Variants in BCAR3 observed in about 807,000 individuals in gnomAD.
BCAR3 encodes the protein BCAR3 adaptor protein, NSP family member, also known as breast cancer anti-estrogen resistance protein 3.
In BCAR3, 37 loss-of-function variants were observed where a neutral mutation model predicts 80.1. The observed-to-expected ratio is 0.46, with a 90% CI of 0.36 to 0.61. The LOEUF (loss-of-function observed/expected upper bound fraction) is 0.61, where lower values mean the gene tolerates loss of function less well. Among genes scored for constraint, BCAR3 ranks in the 20% least tolerant of loss-of-function variants. BCAR3 has a pLI of 0.00. For missense variants in BCAR3, 978 were observed against 1,068.2 expected, an observed-to-expected ratio of 0.92 and a Z score of 1.18; for synonymous variants, 389 against 418.9, an observed-to-expected ratio of 0.93 and a Z score of 0.87.
At chr1:93,816,883 A>C (rs931224220) in intron 2 of BCAR3, among the ~76,000 whole-genome samples, 6 of 152,102 alleles carry the variant, frequency 3.9e-5, no homozygotes, top group African/African-American at 7.2e-5. Context: ...TCTTAGCTAT[A>C]CTTACAAAAA....
chr1:93,642,383 G>A (rs753747382), intron 2 of BCAR3, 40 bp from the exon 3 acceptor site: 5 of 1,557,264 alleles, frequency 3.2e-6, no homozygotes, highest in Admixed American at 1.7e-5. Context: ...GGTTGGGAAC[G>A]ATGCATTCTT....
intron 8 of BCAR3, among the ~76,000 whole-genome samples, chr1:93,574,946 G>A (rs1673389347): frequency 6.6e-6 from 1 of 152,116 alleles, no homozygotes; most frequent in South Asian, 2.1e-4. Context: ...TTTTCTATGG[G>A]ATGTATCCAC....
chr1:93,575,284 AAACTT>A (rs758989124), intron 8 of BCAR3, among the ~76,000 whole-genome samples: 3 of 152,220 alleles, frequency 2.0e-5, no homozygotes, highest in Admixed American at 1.3e-4. Flanking sequence ...GACAGACAGA[AAACTT>A]AACAAGATAG....
intron 2 of BCAR3, among the ~76,000 whole-genome samples, chr1:93,750,695 G>A (rs972942702): frequency 6.6e-6 from 1 of 152,180 alleles, no homozygotes; most frequent in African/African-American, 2.4e-5. Flanking sequence ...AGACCACCAC[G>A]CTGTGGGGAA....
chr1:93,678,581 T>C lies in BCAR3; in HGVS notation c.-12+3017A>G, dbSNP rs902387107. On this transcript the variant is annotated intron_variant, in intron 1 of 11. Coordinates refer to ENST00000260502, the MANE Select transcript of BCAR3 (RefSeq NM_003567.4). The stretch of plus-strand genomic sequence containing the variant: ...GTACCAAGGCTAAGGATATAATAAA[T>C]TAGACAAGCTCCTGCTCTCATGGAG... Among the ~76,000 whole-genome samples, 9 of 152,202 alleles carry C rather than the reference T, an allele frequency of 5.9e-5. No individual in the cohort carries two copies. The East Asian group carries it at 1.2e-3, about 20-fold the overall frequency.
chr1:93,662,167 C>T (rs1647691194), intron 2 of BCAR3, among the ~76,000 whole-genome samples: 1 of 152,216 alleles, frequency 6.6e-6, no homozygotes, highest in Non-Finnish European at 1.5e-5. Flanking sequence ...AAACAATTCA[C>T]CAGGTATGAT....
chr1:93,583,238 G>C (rs529846363), intron 6 of BCAR3, among the ~76,000 whole-genome samples: 1 of 152,304 alleles, frequency 6.6e-6, no homozygotes, highest in East Asian at 1.9e-4. Flanking sequence ...GGTCATAGAA[G>C]GCTGGGACAG....
At chr1:93,562,768 CAAAA>C (rs35374992) in intron 11 of BCAR3, among the ~76,000 whole-genome samples, 89 of 76,874 alleles carry the variant, frequency 1.2e-3, no homozygotes, top group African/African-American at 4.8e-3. Context: ...GACTCCATCT[CAAAA>C]AAAAAAAAAA....
intron 2 of BCAR3, among the ~76,000 whole-genome samples, chr1:93,734,983 T>C (rs1650926221): frequency 6.6e-6 from 1 of 152,160 alleles, no homozygotes; most frequent in South Asian, 2.1e-4. Flanking sequence ...TTGCATTCCT[T>C]CTTCTATTGG....
At chr1:93,681,437 T>C (rs1161568526) in intron 1 of BCAR3, 161 bp downstream of exon 1, 1 of 152,206 alleles carries the variant, frequency 6.6e-6, no homozygotes, top group African/African-American at 2.4e-5. Context: ...CCAAATCCGC[T>C]GGCGGGGGTG....
intron 3 of BCAR3, among the ~76,000 whole-genome samples, chr1:93,638,904 C>A (rs1570995172): frequency 6.6e-6 from 1 of 152,004 alleles, no homozygotes; most frequent in African/African-American, 2.4e-5. Flanking sequence ...TGAAAAAAAA[C>A]AAAATTCTCT....
At chr1:93,623,784 G>A (rs1031741762) in intron 3 of BCAR3, among the ~76,000 whole-genome samples, 1 of 152,182 alleles carries the variant, frequency 6.6e-6, no homozygotes, top group Non-Finnish European at 1.5e-5. Context: ...AGATGGAGAT[G>A]TAACATACTG....
chr1:93,778,035 G>A (rs1571120697), intron 2 of BCAR3, among the ~76,000 whole-genome samples: 2 of 152,156 alleles, frequency 1.3e-5, no homozygotes, highest in African/African-American at 4.8e-5. Context: ...GCCTTGACAA[G>A]TTGACTTCTG....
intron 2 of BCAR3, among the ~76,000 whole-genome samples, chr1:93,757,166 C>A (rs1482002005): frequency 1.3e-5 from 2 of 152,170 alleles, no homozygotes; most frequent in African/African-American, 4.8e-5. Context: ...AGAGGAAGAC[C>A]TTTACTCCTG....
At chr1:93,653,966 G>A (rs976168498) in intron 2 of BCAR3, among the ~76,000 whole-genome samples, 7 of 152,000 alleles carry the variant, frequency 4.6e-5, no homozygotes, top group Non-Finnish European at 8.8e-5. Flanking sequence ...TCTGCATCTC[G>A]CCAGCTCCAC....
intron 2 of BCAR3, among the ~76,000 whole-genome samples, chr1:93,798,854 TATACAGCATACAGACTGTATGCTGTTC>T (rs1354448458): frequency 6.6e-6 from 1 of 152,198 alleles, no homozygotes; most frequent in Admixed American, 6.5e-5. Flanking sequence ...GTAATAGAAC[TATACAGCATACAGACTGTATGCTGTTC>T]CATACAGTCA....
chr1:93,672,884 C>T (rs1241890826), intron 2 of BCAR3, among the ~76,000 whole-genome samples: 1 of 152,190 alleles, frequency 6.6e-6, no homozygotes, highest in South Asian at 2.1e-4. Context: ...TAATTCTGAA[C>T]TCTTGTTCGC....
At chr1:93,766,075 A>G (rs1412210311) in intron 2 of BCAR3, among the ~76,000 whole-genome samples, 1 of 152,308 alleles carries the variant, frequency 6.6e-6, no homozygotes, top group East Asian at 1.9e-4. Flanking sequence ...CCCTTTGACC[A>G]TCATCTCCCC....
At chr1:93,721,291 GAAC>G (rs1650393410) in intron 2 of BCAR3, among the ~76,000 whole-genome samples, 2 of 152,070 alleles carry the variant, frequency 1.3e-5, no homozygotes, top group South Asian at 2.1e-4. Context: ...GAATCCTCAA[GAAC>G]AACATCTTGA....
Sources: gnomAD v4.1 joint callset for allele counts (sites outside exome capture counted in the v4.1 genomes callset) on GRCh38, gnomAD v4.1.1 for gene constraint, MANE v1.5 for transcripts, NCBI Gene and HGNC (gene_info 2026-07-23, HGNC 2026-07-21) for gene names.